SLC35F2: variants seen among roughly 807,000 people sequenced by gnomAD.
SLC35F2 encodes the protein queuine/queuosine transporter SLC35F2.
Under a neutral mutation model 38.1 loss-of-function variants are expected in SLC35F2, and 25 were observed. The ratio of observed to expected loss-of-function variants is 0.66; its 90% CI spans 0.48 to 0.92. The LOEUF (loss-of-function observed/expected upper bound fraction) is 0.92, where lower values mean the gene tolerates loss of function less well. Among genes scored for constraint, SLC35F2 ranks in the 40% least tolerant of loss-of-function variants. The pLI is 0.00. For synonymous variants in SLC35F2, 173 were observed against 181.7 expected (o/e 0.95, Z 0.38); for missense variants, 409 against 452.9 (o/e 0.90, Z 0.88).
At chr11:107,854,211 C>T (rs1377189714) in intron 1 of SLC35F2, among the ~76,000 whole-genome samples, 1 of 151,552 alleles carries the variant, frequency 6.6e-6, no homozygotes, top group African/African-American at 2.4e-5. Flanking sequence ...GCAGGTGGAT[C>T]ACTTGAGCCA....
rs762666440 is a variant in SLC35F2, at chr11:107,806,593, T to C, written c.574+124A>G. 9.6e-6 allele frequency: 8 copies of C among 835,908 alleles called. No homozygotes were observed. In the Admixed American group the frequency reaches 1.6e-4, roughly 17 times the overall value. The allele number at this position is 835,908 out of a possible 1,614,324, so 51.8% of individuals were successfully genotyped here. A position where few individuals can be genotyped will look rare whatever the true frequency, so the allele number is the denominator to read the frequency against. On this transcript the variant is annotated intron_variant, in intron 4 of 7. Transcript: ENST00000525815. Reference sequence around the variant, plus strand: ...GAATTCAACACAAAGTGTGGCAAAGTGTTCTCACCTACACAGTGACTTAAA... The same window carrying C: ...GAATTCAACACAAAGTGTGGCAAAGCGTTCTCACCTACACAGTGACTTAAA...
intron 1 of SLC35F2, among the ~76,000 whole-genome samples, chr11:107,847,521 T>A (rs563841484): frequency 1.3e-5 from 2 of 152,170 alleles, no homozygotes; most frequent in African/African-American, 4.8e-5. Context: ...ATGGGAGGAA[T>A]TGCTACCATT....
In SLC35F2 at chr11:107,848,884, A is replaced by G. The variant is rs1026281254; in HGVS notation, c.110+9774T>C. On this transcript the variant is annotated intron_variant, in intron 1 of 7. Transcript: ENST00000525815. ...CCTCCGGTTTGCAAACCACTAGGGT[A>G]GGTGATGGGAAGAATCCCAAAAGGT... Among the ~76,000 whole-genome samples the G allele has an allele frequency of 1.3e-4, 20 of 152,196 alleles. 1 individual carries two copies. Among genetic ancestry groups the G allele is most frequent in the African/African-American group, 4.3e-4 (18 of 41,452 alleles).
chr11:107,817,148 C>T (rs1028738433), intron 1 of SLC35F2, among the ~76,000 whole-genome samples: 21 of 151,882 alleles, frequency 1.4e-4, no homozygotes, highest in African/African-American at 4.4e-4. Flanking sequence ...TGGTGGCAGG[C>T]GCCTGTAATC....
chr11:107,799,141 G>GTAATT (rs1352582706), intron 7 of SLC35F2, among the ~76,000 whole-genome samples: 1 of 152,106 alleles, frequency 6.6e-6, no homozygotes, highest in African/African-American at 2.4e-5. Flanking sequence ...TTCTACCTCT[G>GTAATT]TAATTTATTC....
intron 1 of SLC35F2, chr11:107,823,941 AAAG>A: frequency 1.1e-6 from 1 of 950,080 alleles, no homozygotes; most frequent in East Asian, 1.2e-4. Flanking sequence ...AAAAAAAAAA[AAAG>A]AAAAAAGAAA....
intron 1 of SLC35F2, among the ~76,000 whole-genome samples, chr11:107,857,300 A>G (rs935230726): frequency 4.1e-5 from 6 of 145,728 alleles, no homozygotes; most frequent in East Asian, 2.2e-4. Flanking sequence ...GGAGAGAGGG[A>G]ACGAAGGAAG....
intron 4 of SLC35F2, 28 bp downstream of exon 4, chr11:107,806,689 G>T: frequency 6.2e-7 from 1 of 1,610,826 alleles, no homozygotes; most frequent in South Asian, 1.1e-5. Flanking sequence ...TGCTGTGATT[G>T]AAGCACAAAC....
intron 6 of SLC35F2, 152 bp from the exon 7 acceptor site, chr11:107,803,307 A>G (rs2305283): frequency 0.081 from 107,357 of 1,326,052 alleles, 8,928 homozygotes; most frequent in East Asian, 0.44. Context: ...ATGAGACCAT[A>G]AAGCTCTCTC....
chr11:107,843,449 C>T (rs1860042721), intron 1 of SLC35F2, among the ~76,000 whole-genome samples: 2 of 151,522 alleles, frequency 1.3e-5, no homozygotes, highest in South Asian at 2.1e-4. Flanking sequence ...ACTCGGGAGG[C>T]GGAGGCAGGA....
chr11:107,844,489 G>A (rs969688530), intron 1 of SLC35F2, among the ~76,000 whole-genome samples: 48 of 150,274 alleles, frequency 3.2e-4, no homozygotes, highest in African/African-American at 1.2e-3. Context: ...GCCGGGCCTG[G>A]TGGCATGCAC....
intron 3 of SLC35F2, chr11:107,811,167 T>C (rs1222900574): frequency 1.0e-6 from 1 of 984,840 alleles, no homozygotes; most frequent in Non-Finnish European, 1.2e-6. Flanking sequence ...AATGTAGGAA[T>C]ATTTTTCTTT....
intron 1 of SLC35F2, among the ~76,000 whole-genome samples, chr11:107,817,801 G>T (rs1194136260): frequency 2.0e-5 from 3 of 151,996 alleles, no homozygotes; most frequent in Non-Finnish European, 4.4e-5. Flanking sequence ...GCTCACGCTT[G>T]TAATCCCAGC....
At chr11:107,810,959 T>TA in intron 3 of SLC35F2, 1 of 979,062 alleles carries the variant, frequency 1.0e-6, no homozygotes, top group Non-Finnish European at 1.2e-6. Flanking sequence ...TTTTATTATT[T>TA]AAAAAAATGA....
Position 107,811,757 on chromosome 11 carries a change from C to A in SLC35F2, c.324G>T (p.Trp108Cys), listed in dbSNP as rs2134785990. Residue 108 changes from tryptophan to cysteine, a missense_variant, in exon 3 of 8, where the codon TGG (tryptophan) becomes TGT (cysteine). Coordinates refer to ENST00000525815, the MANE Select transcript of SLC35F2 (RefSeq NM_017515.5). ...CTAGTCCCAGCAGGATGTACTTCCACCATTTTCTTTTCAAGATTACTAAAA... is the reference window on the plus strand; with the variant it reads ...CTAGTCCCAGCAGGATGTACTTCCAACATTTTCTTTTCAAGATTACTAAAA... ...DNLLVILKRK[W>C]WKYILLGLAD... 6.2e-7 allele frequency: 1 copy of A among 1,613,900 alleles called. No individual in the cohort carries two copies. The highest frequency in any genetic ancestry group is 8.5e-7 in the Non-Finnish European group (1 of 1,179,870).
At chr11:107,839,193 A>T (rs576052610) in intron 1 of SLC35F2, among the ~76,000 whole-genome samples, 1 of 152,240 alleles carries the variant, frequency 6.6e-6, no homozygotes, top group Admixed American at 6.5e-5. Flanking sequence ...GGACGCAGTG[A>T]CTCACTCCTG....
At chr11:107,826,796 T>C (rs1859760226) in intron 1 of SLC35F2, among the ~76,000 whole-genome samples, 1 of 152,014 alleles carries the variant, frequency 6.6e-6, no homozygotes, top group East Asian at 1.9e-4. Context: ...CTTTAAAATA[T>C]ACTAATTTGA....
intron 1 of SLC35F2, among the ~76,000 whole-genome samples, chr11:107,839,263 C>A (rs944442064): frequency 1.1e-4 from 17 of 152,236 alleles, no homozygotes; most frequent in Admixed American, 8.5e-4. Context: ...GAGTTCAAGA[C>A]CAGCCTGGCC....
In SLC35F2 at chr11:107,828,727, C is replaced by T. The variant is rs1306772242; in HGVS notation, c.111-12762G>A. On this transcript the variant is annotated intron_variant, in intron 1 of 7. Coordinates refer to ENST00000525815, the MANE Select transcript of SLC35F2 (RefSeq NM_017515.5). Reference sequence around the variant, plus strand: ...GGATCTAGACAAAACATCAATAGCTCCTAACAACAAAAAAGAAAGAGACAA... The same window carrying T: ...GGATCTAGACAAAACATCAATAGCTTCTAACAACAAAAAAGAAAGAGACAA... Among the ~76,000 whole-genome samples, 3 of 150,466 alleles carry T rather than the reference C, an allele frequency of 2.0e-5. No individual in the cohort carries two copies. In the East Asian group the frequency reaches 5.8e-4, roughly 29 times the overall value.
Sources: allele counts gnomAD v4.1 joint callset (sites outside exome capture counted in the v4.1 genomes callset), GRCh38; gene constraint gnomAD v4.1.1; transcripts MANE v1.5; gene names NCBI Gene and HGNC (gene_info 2026-07-23, HGNC 2026-07-21).